Variants in RNLS observed in about 807,000 individuals in gnomAD.
The protein encoded by RNLS is renalase.
In RNLS, 39 loss-of-function variants were observed where a neutral mutation model predicts 39.8. That is an observed-to-expected ratio of 0.98 (90% CI 0.76 to 1.28). RNLS has a LOEUF of 1.28. Ranked by LOEUF, RNLS falls within the 50% of genes most tolerant of loss-of-function variation. The pLI is 0.00. For synonymous variants in RNLS, 147 were observed against 150.7 expected, an observed-to-expected ratio of 0.98 and a Z score of 0.18; for missense variants, 410 against 413.3, an observed-to-expected ratio of 0.99 and a Z score of 0.07.
intron 4 of RNLS, among the ~76,000 whole-genome samples, chr10:88,468,428 C>T (rs1473415258): frequency 1.3e-5 from 2 of 152,106 alleles, no homozygotes; most frequent in African/African-American, 4.8e-5. Context: ...GAATGTATGT[C>T]AACTATGTTG....
chr10:88,311,396 G>C lies in RNLS; in HGVS notation c.876+3070C>G, dbSNP rs181535862. 1.6e-3 allele frequency among the ~76,000 whole-genome samples: 238 copies of C among 152,266 alleles called. 1 individual carries two copies. The highest frequency in any genetic ancestry group is 5.4e-3 in the African/African-American group (225 of 41,542). On this transcript the variant is annotated intron_variant, in intron 6 of 6. Coordinates refer to ENST00000331772, the MANE Select transcript of RNLS (RefSeq NM_001031709.3). ...CAATGCATAACAGACTAAGCATCAA[G>C]TTATATTAACTGGCTAAACATTTAA... is the stretch of plus-strand genomic sequence containing the variant.
chr10:88,537,122 T>C (rs1164539813), intron 4 of RNLS, among the ~76,000 whole-genome samples: 1 of 152,176 alleles, frequency 6.6e-6, no homozygotes, highest in Non-Finnish European at 1.5e-5. Flanking sequence ...CAATGAGGAA[T>C]CCAGTAGCTA....
At chr10:88,361,773 A>G (rs528153358) in intron 5 of RNLS, among the ~76,000 whole-genome samples, 1 of 152,318 alleles carries the variant, frequency 6.6e-6, no homozygotes, top group East Asian at 1.9e-4. Context: ...ACTGTCCCAT[A>G]AAACACTGTA....
chr10:88,571,549 T>C (rs929642515), intron 4 of RNLS, among the ~76,000 whole-genome samples: 5 of 152,330 alleles, frequency 3.3e-5, no homozygotes, highest in African/African-American at 1.2e-4. Flanking sequence ...TGAGTTTCTA[T>C]GATTAAAATG....
chr10:88,233,934 G>C, the RNLS span, among the ~76,000 whole-genome samples: 5 of 151,374 alleles, frequency 3.3e-5, no homozygotes, highest in Non-Finnish European at 7.4e-5. Context: ...GAAATGTCTT[G>C]AGGGTTTGGG....
chr10:88,580,215 T>A (rs770157026), intron 3 of RNLS, among the ~76,000 whole-genome samples: 3 of 152,194 alleles, frequency 2.0e-5, no homozygotes, highest in Non-Finnish European at 2.9e-5. Context: ...CATACTCACA[T>A]ATACACATGC....
chr10:88,315,790 T>A (rs969881122), intron 5 of RNLS, among the ~76,000 whole-genome samples: 7 of 151,782 alleles, frequency 4.6e-5, no homozygotes, highest in Admixed American at 3.9e-4. Context: ...TTTTTTTTTT[T>A]AATGAGAATA....
At chr10:88,539,727 T>C (rs1222696139) in intron 4 of RNLS, among the ~76,000 whole-genome samples, 1 of 152,174 alleles carries the variant, frequency 6.6e-6, no homozygotes. Context: ...GAGTCTGATT[T>C]CAGGTTCATG....
At chr10:88,527,593 G>A (rs1405864469) in intron 4 of RNLS, among the ~76,000 whole-genome samples, 1 of 152,106 alleles carries the variant, frequency 6.6e-6, no homozygotes, top group Non-Finnish European at 1.5e-5. Flanking sequence ...TAATTCTATT[G>A]AGAGGTCCCC....
intron 5 of RNLS, among the ~76,000 whole-genome samples, chr10:88,330,010 T>G (rs1257846338): frequency 6.7e-6 from 1 of 149,862 alleles, no homozygotes; most frequent in Non-Finnish European, 1.5e-5. Flanking sequence ...TGGCTTTTTT[T>G]GTTGTTGTTC....
intron 4 of RNLS, among the ~76,000 whole-genome samples, chr10:88,466,050 T>C (rs1467833555): frequency 6.6e-6 from 1 of 151,928 alleles, no homozygotes; most frequent in Non-Finnish European, 1.5e-5. Context: ...AGGTGATGAG[T>C]TCTGTATCCA....
At chr10:88,353,608 G>A (rs542715901) in intron 5 of RNLS, among the ~76,000 whole-genome samples, 9 of 152,268 alleles carry the variant, frequency 5.9e-5, no homozygotes, top group Admixed American at 1.3e-4. Flanking sequence ...TTTTACATTT[G>A]CTGAGGAGTG....
chr10:88,460,544 A>C (rs1842889994), intron 4 of RNLS, among the ~76,000 whole-genome samples: 2 of 152,044 alleles, frequency 1.3e-5, no homozygotes. Flanking sequence ...ACAATCTATG[A>C]TTGCCTCATT....
At chr10:88,252,520 G>A in the RNLS span, among the ~76,000 whole-genome samples, 18 of 152,148 alleles carry the variant, frequency 1.2e-4, no homozygotes, top group African/African-American at 3.4e-4. Flanking sequence ...TAGGGGCTTC[G>A]ATTTTCTTCC....
At chr10:88,205,591 G>A in the RNLS span, among the ~76,000 whole-genome samples, 1 of 152,130 alleles carries the variant, frequency 6.6e-6, no homozygotes, top group East Asian at 1.9e-4. Context: ...AATACTGAAA[G>A]AAATACAAAG....
chr10:88,411,982 G>A (rs540176931), intron 4 of RNLS, among the ~76,000 whole-genome samples: 1 of 152,166 alleles, frequency 6.6e-6, no homozygotes, highest in African/African-American at 2.4e-5. Context: ...TGGTTAATGT[G>A]GGCAGAGATG....
At chr10:88,440,800 C>T (rs1288481111) in intron 4 of RNLS, among the ~76,000 whole-genome samples, 1 of 152,204 alleles carries the variant, frequency 6.6e-6, no homozygotes, top group Non-Finnish European at 1.5e-5. Flanking sequence ...CACTACAGGA[C>T]AGTATGACCC....
chr10:88,513,256 C>A (rs1284839065), intron 4 of RNLS, among the ~76,000 whole-genome samples: 1 of 152,072 alleles, frequency 6.6e-6, no homozygotes, highest in Non-Finnish European at 1.5e-5. Flanking sequence ...ATATATCTTG[C>A]AGACCCTTCC....
chr10:88,336,060 A>C (rs1240531253), intron 5 of RNLS, among the ~76,000 whole-genome samples: 1 of 152,220 alleles, frequency 6.6e-6, no homozygotes, highest in African/African-American at 2.4e-5. Flanking sequence ...TACTGAATGA[A>C]CACGGCAGGG....
Sources: gnomAD v4.1 joint callset for allele counts (sites outside exome capture counted in the v4.1 genomes callset) on GRCh38, gnomAD v4.1.1 for gene constraint, MANE v1.5 for transcripts, NCBI Gene and HGNC (gene_info 2026-07-23, HGNC 2026-07-21) for gene names.